Variants in C16orf74 observed in about 807,000 individuals in gnomAD.
C16orf74 encodes uncharacterized protein C16orf74.
A neutral mutation model predicts 6.5 loss-of-function variants in C16orf74; 10 were observed. That is an observed-to-expected ratio of 1.54 (90% CI 0.95 to 2.61). The LOEUF (loss-of-function observed/expected upper bound fraction) is 2.61. Ranked by LOEUF, C16orf74 falls within the 30% of genes most tolerant of loss-of-function variation. The probability of loss-of-function intolerance (pLI) is 0.00; values close to 1 mark genes in which losing one functional copy is unlikely to be tolerated. For synonymous variants in C16orf74, 60 were observed against 42.5 expected (o/e 1.41, Z -1.60); for missense variants, 141 against 105.9 (o/e 1.33, Z -1.45).
intron 2 of C16orf74, 106 bp downstream of exon 2, chr16:85,735,084 C>T (rs1227683727): frequency 2.1e-6 from 2 of 939,562 alleles, no homozygotes; most frequent in Non-Finnish European, 1.6e-6. Context: ...GGATGGTGCC[C>T]TGCTCCCTCT....
chr16:85,712,658 A>C (rs1413635496), intron 2 of C16orf74, among the ~76,000 whole-genome samples: 1 of 152,180 alleles, frequency 6.6e-6, no homozygotes, highest in Non-Finnish European at 1.5e-5. Context: ...GGCTCAGAAA[A>C]ACTGAAAGCA....
chr16:85,738,615 G>C (rs1280568592), intron 1 of C16orf74, among the ~76,000 whole-genome samples: 1 of 151,972 alleles, frequency 6.6e-6, no homozygotes, highest in Admixed American at 6.6e-5. Context: ...TCAGGTGTGA[G>C]CCACCGCGCC....
chr16:85,733,052 G>A (rs752039649), intron 2 of C16orf74, among the ~76,000 whole-genome samples: 1 of 152,196 alleles, frequency 6.6e-6, no homozygotes, highest in Non-Finnish European at 1.5e-5. Context: ...TCAAGTCCCG[G>A]CCTTGGGCTG....
At chr16:85,739,307 G>C (rs394623) in intron 1 of C16orf74, among the ~76,000 whole-genome samples, 46,024 of 152,064 alleles carry the variant, frequency 0.3, 7,450 homozygotes, top group Middle Eastern at 0.42. Context: ...CAAAGTACTC[G>C]GATTTTATCA....
At chr16:85,722,418 G>C (rs1255865072) in intron 2 of C16orf74, among the ~76,000 whole-genome samples, 2 of 152,234 alleles carry the variant, frequency 1.3e-5, no homozygotes, top group Non-Finnish European at 2.9e-5. Flanking sequence ...GCTGAAGCTG[G>C]GAAAGGCCGC....
intron 1 of C16orf74, among the ~76,000 whole-genome samples, chr16:85,748,674 A>G (rs2054401201): frequency 6.6e-6 from 1 of 152,204 alleles, no homozygotes; most frequent in Non-Finnish European, 1.5e-5. Flanking sequence ...CTGGGTTACG[A>G]TAAGGAGTTT....
In C16orf74 at chr16:85,726,759, G is replaced by C. The variant is rs532874683; in HGVS notation, c.28+8431C>G. ...ATTTCACAGAGCTCCTGTCCCCAGG[G>C]ATGGAAACTCCACATTCCCTGCCTG... On this transcript the variant is annotated intron_variant, in intron 2 of 3. Coordinates refer to ENST00000284245, the MANE Select transcript of C16orf74 (RefSeq NM_206967.3). Among the ~76,000 whole-genome samples the C allele has an allele frequency of 6.6e-5, 10 of 152,224 alleles. No individual in the cohort carries two copies. In the East Asian group the frequency reaches 1.7e-3, roughly 26 times the overall value.
In C16orf74 at chr16:85,719,940, G is replaced by A. The variant is rs557807374; in HGVS notation, c.29-9633C>T. Among the ~76,000 whole-genome samples the A allele has an allele frequency of 1.4e-4, 21 of 151,744 alleles. 1 individual carries two copies. Among genetic ancestry groups the A allele is most frequent in the African/African-American group, 4.1e-4 (17 of 41,056 alleles). ...AGGCAGGAACAGAGGGGCCACAGGG[G>A]CTGAGCGGGGTGACACTAATCCCTC... On this transcript the variant is annotated intron_variant, in intron 2 of 3. Transcript: ENST00000284245.
At chr16:85,714,574 C>T (rs1383888843) in intron 2 of C16orf74, among the ~76,000 whole-genome samples, 1 of 151,822 alleles carries the variant, frequency 6.6e-6, no homozygotes, top group Admixed American at 6.6e-5. Context: ...CGCCTGCCAC[C>T]ACACCCAGCT....
chr16:85,710,326 A>G lies in C16orf74; in HGVS notation c.29-19T>C, dbSNP rs1193094771. The G allele has an allele frequency of 2.0e-6, 3 of 1,486,472 alleles. No homozygotes were observed. The highest frequency in any genetic ancestry group is 2.7e-6 in the Non-Finnish European group (3 of 1,131,872). The allele number at this position is 1,486,472 out of a possible 1,614,324, so 92.1% of individuals were successfully genotyped here. On this transcript the variant is annotated intron_variant, in intron 2 of 3. Transcript: ENST00000284245. The stretch of plus-strand genomic sequence containing the variant: ...TGAAAGCCTGAGAAGCCAGGCGTGG[A>G]GCACACACGCACGTACACACGACAG...
chr16:85,714,192 G>A (rs563376301), intron 2 of C16orf74, among the ~76,000 whole-genome samples: 18 of 152,052 alleles, frequency 1.2e-4, no homozygotes, highest in Admixed American at 9.2e-4. Flanking sequence ...AGACGGCCAC[G>A]GTCCCTGGGA....
chr16:85,714,523 G>A (rs887149784), intron 2 of C16orf74, among the ~76,000 whole-genome samples: 4 of 151,878 alleles, frequency 2.6e-5, no homozygotes, highest in South Asian at 2.1e-4. Flanking sequence ...GGGTTCAAGC[G>A]ATTCTTCTGC....
In C16orf74 at chr16:85,750,938, G is replaced by A. The variant is rs2054431227; in HGVS notation, c.-31C>T. ...GCGGGGCACTCACCGCTTCCTTCTT[G>A]GTGGGCTCACTGCGGAGCCGCGCCC... is the stretch of plus-strand genomic sequence containing the variant. On this transcript the variant is annotated 5_prime_UTR_variant, in exon 1 of 4. Transcript: ENST00000284245. The A allele has an allele frequency of 6.6e-6, 1 of 151,200 alleles. No homozygotes were observed. Among genetic ancestry groups the A allele is most frequent in the South Asian group, 2.1e-4 (1 of 4,844 alleles). The allele number at this position is 151,200 out of a possible 1,614,324, so 9.4% of individuals were successfully genotyped here. A position where few individuals can be genotyped will look rare whatever the true frequency, so the allele number is the denominator to read the frequency against.
chr16:85,711,550 G>A (rs1279103146), intron 2 of C16orf74, among the ~76,000 whole-genome samples: 1 of 151,318 alleles, frequency 6.6e-6, no homozygotes, highest in Non-Finnish European at 1.5e-5. Flanking sequence ...TTGAATCCGG[G>A]AGGCGGAGGT....
At chr16:85,732,144 A>C (rs1470690993) in intron 2 of C16orf74, among the ~76,000 whole-genome samples, 1 of 152,210 alleles carries the variant, frequency 6.6e-6, no homozygotes. Flanking sequence ...CCACAAACCA[A>C]AGAATGGCTG....
intron 3 of C16orf74, among the ~76,000 whole-genome samples, chr16:85,708,472 G>C (rs1402299091): frequency 6.6e-6 from 1 of 152,220 alleles, no homozygotes; most frequent in African/African-American, 2.4e-5. Context: ...TCTCTGATTA[G>C]ACAGTACTGG....
chr16:85,726,910 C>T (rs888001066), intron 2 of C16orf74, among the ~76,000 whole-genome samples: 13 of 152,186 alleles, frequency 8.5e-5, no homozygotes, highest in African/African-American at 3.1e-4. Flanking sequence ...AACAGCCACC[C>T]CTTCCCCGCT....
At chr16:85,746,789 G>T (rs1004672718) in intron 1 of C16orf74, among the ~76,000 whole-genome samples, 2 of 152,206 alleles carry the variant, frequency 1.3e-5, no homozygotes, top group East Asian at 3.8e-4. Flanking sequence ...CGGGCAAGCG[G>T]GGCTCCCAGC....
intron 2 of C16orf74, among the ~76,000 whole-genome samples, chr16:85,727,173 G>A (rs1434112026): frequency 6.6e-6 from 1 of 152,228 alleles, no homozygotes; most frequent in African/African-American, 2.4e-5. Context: ...ACGCAATTCT[G>A]GCCTGCAGCT....
Sources: allele counts gnomAD v4.1 joint callset (sites outside exome capture counted in the v4.1 genomes callset), GRCh38; gene constraint gnomAD v4.1.1; transcripts MANE v1.5; gene names NCBI Gene and HGNC (gene_info 2026-07-23, HGNC 2026-07-21).